SLC48A1: variants seen among roughly 807,000 people sequenced by gnomAD.
SLC48A1 encodes heme transporter HRG1.
A neutral mutation model predicts 14.8 loss-of-function variants in SLC48A1; 6 were observed. The observed-to-expected ratio is 0.41, with a 90% CI of 0.22 to 0.80. SLC48A1 has a LOEUF of 0.80. Ranked by LOEUF, SLC48A1 falls within the 30% of genes least tolerant of loss-of-function variation. The probability of loss-of-function intolerance (pLI) is 0.34; values close to 1 mark genes in which losing one functional copy is unlikely to be tolerated. For missense variants in SLC48A1, 165 were observed against 204.8 expected, an observed-to-expected ratio of 0.81 and a Z score of 1.19; for synonymous variants, 89 against 90.0, an observed-to-expected ratio of 0.99 and a Z score of 0.06.
upstream of SLC48A1, chr12:47,768,490 G>A (rs1029300538): frequency 6.6e-6 from 1 of 152,204 alleles, no homozygotes; most frequent in South Asian, 2.1e-4. Flanking sequence ...CAGAGGAAAG[G>A]GAGGACTCAG....
At chr12:47,758,539 C>T (rs1349894281), upstream of SLC48A1, 1 of 1,613,832 alleles carries the variant, frequency 6.2e-7, no homozygotes, top group African/African-American at 1.3e-5. Flanking sequence ...ACCCTGACCC[C>T]ACCTTACCCA....
At position 47,773,428 on chromosome 12, in the gene SLC48A1, G is replaced by C; in HGVS notation, c.124G>C (p.Gly42Arg). The change falls in exon 1 of 3, where the codon GGA becomes CGA. Residue 42 changes from glycine (G) to arginine (R), a missense_variant. Coordinates refer to ENST00000442218, the MANE Select transcript of SLC48A1 (RefSeq NM_017842.3). ...CCGACAGCCGGGGACCGCGGCCATG[G>C]GAGGGCTCGCAGGTACCCCGGGACG... ...VYRQPGTAAM[G>R]GLAGVLALWV... 1.4e-6 allele frequency: 2 copies of C among 1,427,070 alleles called. No individual in the cohort carries two copies. The highest frequency in any genetic ancestry group is 9.2e-7 in the Non-Finnish European group (1 of 1,083,340). 88.4% of individuals were successfully genotyped at this position (1,427,070 alleles called of 1,614,324 possible).
chr12:47,772,346 G>A (rs553747030), upstream of SLC48A1: 39 of 154,836 alleles, frequency 2.5e-4, no homozygotes, highest in Middle Eastern at 5.2e-4. Context: ...TCAGGGTGAG[G>A]GGTTTGGGAG....
At position 47,779,025 on chromosome 12, in the gene SLC48A1, C is replaced by T; in HGVS notation, c.137-3C>T. On this transcript the variant is annotated splice_polypyrimidine_tract_variant and splice_region_variant and intron_variant, in intron 1 of 2. Coordinates refer to ENST00000442218, the MANE Select transcript of SLC48A1 (RefSeq NM_017842.3). ...GATGGGCCCTGATGTGTCTCTCCTGCAGGGGTGCTGGCACTGTGGGTCCTG... is the reference window on the plus strand; with the variant it reads ...GATGGGCCCTGATGTGTCTCTCCTGTAGGGGTGCTGGCACTGTGGGTCCTG... The T allele has an allele frequency of 6.4e-7, 1 of 1,551,274 alleles. No individual in the cohort carries two copies. Among genetic ancestry groups the T allele is most frequent in the Non-Finnish European group, 8.7e-7 (1 of 1,146,748 alleles).
chr12:47,774,609 C>G (rs974118271), intron 1 of SLC48A1, among the ~76,000 whole-genome samples: 20 of 152,226 alleles, frequency 1.3e-4, no homozygotes, highest in African/African-American at 4.3e-4. Flanking sequence ...CTCACTGCCA[C>G]AGGGAGTGCT....
chr12:47,773,465 G>A (rs1383617492), intron 1 of SLC48A1, 25 bp downstream of exon 1: 4 of 1,311,228 alleles, frequency 3.1e-6, no homozygotes, highest in Non-Finnish European at 3.9e-6. Flanking sequence ...TGGGCGGCGC[G>A]GGGCGGGTGC....
At chr12:47,771,178 G>A, upstream of SLC48A1, 1 of 273,126 alleles carries the variant, frequency 3.7e-6, no homozygotes. Flanking sequence ...TCTAGAGTGA[G>A]GCAAATGTGC....
upstream of SLC48A1, among the ~76,000 whole-genome samples, chr12:47,756,689 G>A (rs748864217): frequency 8.5e-5 from 13 of 152,194 alleles, no homozygotes; most frequent in African/African-American, 1.4e-4. Flanking sequence ...GTGAACTCTC[G>A]GCTAGGCGCA....
At chr12:47,779,541 T>C (rs947685889) in intron 2 of SLC48A1, among the ~76,000 whole-genome samples, 1 of 152,194 alleles carries the variant, frequency 6.6e-6, no homozygotes, top group East Asian at 1.9e-4. Flanking sequence ...TGATGCTAAC[T>C]AAAGCAGGTT....
chr12:47,759,941 A>G (rs1942324919), intron 1 of SLC48A1, among the ~76,000 whole-genome samples: 1 of 151,692 alleles, frequency 6.6e-6, no homozygotes, highest in Admixed American at 6.6e-5. Flanking sequence ...CACCATGATT[A>G]TTTTCTTGAA....
chr12:47,763,315 G>A (rs976956626), intron 2 of SLC48A1, among the ~76,000 whole-genome samples: 1 of 152,198 alleles, frequency 6.6e-6, no homozygotes, highest in African/African-American at 2.4e-5. Context: ...GAGAGAGGGA[G>A]GATGGAGGAA....
At chr12:47,773,558 C>T in intron 1 of SLC48A1, 118 bp downstream of exon 1, 1 of 1,221,828 alleles carries the variant, frequency 8.2e-7, no homozygotes, top group East Asian at 3.4e-5. Context: ...GGAGTGTTTA[C>T]TCGAAAACAG....
chr12:47,760,423 G>T, intron 2 of SLC48A1: 1 of 985,238 alleles, frequency 1.0e-6, no homozygotes, highest in Non-Finnish European at 1.2e-6. Flanking sequence ...GAAGAGTTAG[G>T]GGGATGGAGT....
At chr12:47,770,556 A>G (rs118074303), upstream of SLC48A1, among the ~76,000 whole-genome samples, 561 of 152,266 alleles carry the variant, frequency 3.7e-3, 2 homozygotes, top group Middle Eastern at 0.014. Flanking sequence ...CCTCATCACA[A>G]CACTTTGAAG....
At chr12:47,760,417 A>G in intron 2 of SLC48A1, 1 of 985,328 alleles carries the variant, frequency 1.0e-6, no homozygotes, top group Non-Finnish European at 1.2e-6. Context: ...CATGGGGAAG[A>G]GTTAGGGGGA....
intron 2 of SLC48A1, among the ~76,000 whole-genome samples, chr12:47,761,542 T>C (rs1223846686): frequency 6.6e-6 from 1 of 152,182 alleles, no homozygotes; most frequent in African/African-American, 2.4e-5. Flanking sequence ...GGGGCAGGTT[T>C]TTGCCTTCTC....
chr12:47,757,894 C>T (rs762724728), upstream of SLC48A1: 89 of 1,556,022 alleles, frequency 5.7e-5, no homozygotes, highest in Admixed American at 9.7e-5. Flanking sequence ...GCAGCTCGGA[C>T]GCTGGTGCTC....
chr12:47,765,700 T>C (rs1324501306), intron 2 of SLC48A1, among the ~76,000 whole-genome samples: 2 of 152,228 alleles, frequency 1.3e-5, no homozygotes, highest in Non-Finnish European at 2.9e-5. Flanking sequence ...GCCACATGCC[T>C]GGCACTCACC....
At chr12:47,771,074 T>C (rs1179717536), upstream of SLC48A1, 6 of 359,570 alleles carry the variant, frequency 1.7e-5, no homozygotes, top group Non-Finnish European at 3.4e-5. Context: ...TTGACATCAC[T>C]TCTCATTAAA....
Sources: gnomAD v4.1 joint callset for allele counts (sites outside exome capture counted in the v4.1 genomes callset) on GRCh38, gnomAD v4.1.1 for gene constraint, MANE v1.5 for transcripts, NCBI Gene and HGNC (gene_info 2026-07-23, HGNC 2026-07-21) for gene names.